Variants in MIPOL1 observed in about 807,000 individuals in gnomAD.
MIPOL1 encodes mirror-image polydactyly 1, also known as mirror-image polydactyly gene 1 protein.
Under a neutral mutation model 60.9 loss-of-function variants are expected in MIPOL1, and 57 were observed. That is an observed-to-expected ratio of 0.94 (90% CI 0.76 to 1.17). MIPOL1 has a LOEUF of 1.17. Among genes scored for constraint, MIPOL1 ranks in the 50% most tolerant of loss-of-function variants. The probability of loss-of-function intolerance (pLI) is 0.00; values close to 1 mark genes in which losing one functional copy is unlikely to be tolerated. For missense variants in MIPOL1, 551 were observed against 511.6 expected, an observed-to-expected ratio of 1.08 and a Z score of -0.74; for synonymous variants, 179 against 168.8, an observed-to-expected ratio of 1.06 and a Z score of -0.47.
In MIPOL1 at chr14:37,336,765, TA is replaced by T. The variant is rs533688034; in HGVS notation, c.828+28247del. On this transcript the variant is annotated intron_variant, in intron 9 of 12. Transcript: ENST00000684589. ...AATTTTATCTTTTTAAAAATTTTTT[TA>T]TTTTTTTATTTTGAGACAGAGTTTC... is the stretch of plus-strand genomic sequence containing the variant. Among the ~76,000 whole-genome samples, 436 of 152,178 alleles carry T rather than the reference TA, an allele frequency of 2.9e-3. 2 individuals carry two copies. The highest frequency in any genetic ancestry group is 1.0e-2 in the African/African-American group (415 of 41,520).
At chr14:37,315,312 T>C (rs1402612723) in intron 9 of MIPOL1, among the ~76,000 whole-genome samples, 1 of 152,168 alleles carries the variant, frequency 6.6e-6, no homozygotes, top group Non-Finnish European at 1.5e-5. Context: ...TTACATTTGA[T>C]TGAAGTACAG....
At chr14:37,509,998 C>CACAT (rs199548456) in intron 12 of MIPOL1, among the ~76,000 whole-genome samples, 2,723 of 151,664 alleles carry the variant, frequency 0.018, 80 homozygotes, top group African/African-American at 0.061. Context: ...TTTATAGACA[C>CACAT]ACATAGTTTA....
chr14:37,198,479 A>G (rs1296328174), intron 1 of MIPOL1, among the ~76,000 whole-genome samples: 1 of 151,854 alleles, frequency 6.6e-6, no homozygotes, highest in Non-Finnish European at 1.5e-5. Context: ...TGCCCATGAG[A>G]GAGTCGTTTT....
intron 1 of MIPOL1, among the ~76,000 whole-genome samples, chr14:37,212,998 G>A (rs748505749): frequency 2.6e-5 from 4 of 152,158 alleles, no homozygotes; most frequent in African/African-American, 4.8e-5. Context: ...GAGTCTGCAA[G>A]AACCACAGCA....
intron 12 of MIPOL1, among the ~76,000 whole-genome samples, chr14:37,530,942 C>G (rs182019755): frequency 1.3e-4 from 19 of 151,862 alleles, no homozygotes; most frequent in Non-Finnish European, 2.4e-4. Context: ...CTCAGCCCCC[C>G]GAGTAGCTGA....
chr14:37,249,088 G>C, intron 3 of MIPOL1, among the ~76,000 whole-genome samples: 1 of 152,018 alleles, frequency 6.6e-6, no homozygotes, highest in East Asian at 1.9e-4. Context: ...AGATATTTAA[G>C]ATCTATTACA....
chr14:37,295,538 G>T (rs1173871924), intron 7 of MIPOL1, among the ~76,000 whole-genome samples: 1 of 152,104 alleles, frequency 6.6e-6, no homozygotes, highest in Non-Finnish European at 1.5e-5. Flanking sequence ...AGACCCATCA[G>T]TATGCTGTAT....
intron 3 of MIPOL1, among the ~76,000 whole-genome samples, chr14:37,257,772 A>G (rs1975205533): frequency 6.6e-6 from 1 of 152,180 alleles, no homozygotes; most frequent in Non-Finnish European, 1.5e-5. Flanking sequence ...GTAGCTAAAA[A>G]GTCCCATATT....
chr14:37,514,781 C>T (rs1482002144), intron 12 of MIPOL1, among the ~76,000 whole-genome samples: 1 of 152,034 alleles, frequency 6.6e-6, no homozygotes, highest in Non-Finnish European at 1.5e-5. Context: ...GCTACCATGC[C>T]TGGCTAATTT....
At chr14:37,364,270 C>G (rs910813741) in intron 9 of MIPOL1, among the ~76,000 whole-genome samples, 1 of 152,198 alleles carries the variant, frequency 6.6e-6, no homozygotes, top group Non-Finnish European at 1.5e-5. Context: ...TGTCTTGGAA[C>G]AGAAACCAAG....
At chr14:37,484,283 G>A (rs2153600684) in intron 11 of MIPOL1, among the ~76,000 whole-genome samples, 1 of 149,784 alleles carries the variant, frequency 6.7e-6, no homozygotes, top group South Asian at 2.1e-4. Flanking sequence ...TGTTTTTTTA[G>A]CTCTATCCTC....
intron 1 of MIPOL1, among the ~76,000 whole-genome samples, chr14:37,201,991 C>T (rs1416583140): frequency 6.6e-6 from 1 of 152,114 alleles, no homozygotes; most frequent in Non-Finnish European, 1.5e-5. Flanking sequence ...CAACATCACA[C>T]CTAGCTATTT....
chr14:37,377,262 G>A (rs1310749250), intron 10 of MIPOL1, among the ~76,000 whole-genome samples: 2 of 152,110 alleles, frequency 1.3e-5, no homozygotes, highest in African/African-American at 4.8e-5. Context: ...AGTCATAAAA[G>A]CGAATCTGCA....
chr14:37,378,161 A>G (rs1047462939), intron 10 of MIPOL1, among the ~76,000 whole-genome samples: 4 of 152,124 alleles, frequency 2.6e-5, no homozygotes, highest in Non-Finnish European at 5.9e-5. Context: ...TATACTTACC[A>G]TATAACCCAG....
chr14:37,378,726 G>A (rs1193854123), intron 10 of MIPOL1, among the ~76,000 whole-genome samples: 2 of 151,822 alleles, frequency 1.3e-5, no homozygotes, highest in Non-Finnish European at 1.5e-5. Context: ...GAAGAAGGGA[G>A]AGGGAGTCAA....
chr14:37,224,139 T>C (rs894081892), intron 1 of MIPOL1, among the ~76,000 whole-genome samples: 5 of 152,198 alleles, frequency 3.3e-5, no homozygotes, highest in African/African-American at 1.2e-4. Flanking sequence ...GAATCATCTC[T>C]GAACTGGTTA....
intron 11 of MIPOL1, among the ~76,000 whole-genome samples, chr14:37,428,403 C>T (rs2094002577): frequency 6.6e-6 from 1 of 152,108 alleles, no homozygotes; most frequent in Non-Finnish European, 1.5e-5. Context: ...CCAGCCTGGG[C>T]AACATGACCA....
chr14:37,457,999 T>C, intron 11 of MIPOL1, among the ~76,000 whole-genome samples: 1 of 151,164 alleles, frequency 6.6e-6, no homozygotes, highest in Non-Finnish European at 1.5e-5. Flanking sequence ...AGATATACCA[T>C]ACAGATGGAA....
chr14:37,534,364 C>A (rs1447462103), intron 12 of MIPOL1, among the ~76,000 whole-genome samples: 1 of 152,284 alleles, frequency 6.6e-6, no homozygotes, highest in Middle Eastern at 3.4e-3. Context: ...ATATATACTA[C>A]AAATCTTCAC....
Sources: gnomAD v4.1 joint callset for allele counts (sites outside exome capture counted in the v4.1 genomes callset) on GRCh38, gnomAD v4.1.1 for gene constraint, MANE v1.5 for transcripts, NCBI Gene and HGNC (gene_info 2026-07-23, HGNC 2026-07-21) for gene names.